PTF1A: variants seen among roughly 807,000 people sequenced by gnomAD.
The protein encoded by PTF1A is pancreas associated transcription factor 1a, also known as pancreas transcription factor 1 subunit alpha.
In PTF1A, 18 loss-of-function variants were observed where a neutral mutation model predicts 22.6. That is an observed-to-expected ratio of 0.80 (90% confidence interval 0.55 to 1.18). The LOEUF is 1.18. Among genes scored for constraint, PTF1A ranks in the 50% most tolerant of loss-of-function variants. PTF1A has a pLI of 0.00. For synonymous variants in PTF1A, 259 were observed against 227.9 expected (o/e 1.14, Z -1.23); for missense variants, 477 against 473.0 (o/e 1.01, Z -0.08).
In PTF1A at chr10:23,192,774, G is replaced by C. The variant is rs1028470923; in HGVS notation, c.244G>C (p.Ala82Pro). 7.3e-7 allele frequency: 1 copy of C among 1,367,002 alleles called. No individual in the cohort carries two copies. The highest frequency in any genetic ancestry group is 9.4e-7 in the Non-Finnish European group (1 of 1,061,758). The allele number at this position is 1,367,002 out of a possible 1,614,324, so 84.7% of individuals were successfully genotyped here. ...PAPPAAPLALAPPSSGGLGEP... is the reference protein window; with the variant it reads ...PAPPAAPLALPPPSSGGLGEP... Reference sequence around the variant, plus strand: ...GCCCCCGGCCGCCCCGCTAGCGCTCGCCCCGCCGTCCTCGGGGGGCCTCGG... The same window carrying C: ...GCCCCCGGCCGCCCCGCTAGCGCTCCCCCCGCCGTCCTCGGGGGGCCTCGG... Residue 82 changes from alanine to proline, a missense_variant, in exon 1 of 2, where the codon GCC (alanine) becomes CCC (proline). Ala to Pro is a conservative substitution (Grantham distance 27). Transcript: ENST00000376504.
chr10:23,192,316 G>A lies in PTF1A; in HGVS notation c.-215G>A. On this transcript the variant is annotated 5_prime_UTR_variant, in exon 1 of 2. Coordinates refer to ENST00000376504, the MANE Select transcript of PTF1A (RefSeq NM_178161.3). ...CTCGCGTGCCGGCCCTCAGCTCCAG[G>A]AAGTCCGCCACAGCCCTCCCCAGCG... 1 of 429,792 alleles carries A rather than the reference G, an allele frequency of 2.3e-6. No individual in the cohort carries two copies. Among genetic ancestry groups the A allele is most frequent in the Non-Finnish European group, 3.9e-6 (1 of 254,972 alleles). 26.6% of individuals were successfully genotyped at this position (429,792 alleles called of 1,614,324 possible). A position where few individuals can be genotyped will look rare whatever the true frequency, so the allele number is the denominator to read the frequency against.
chr10:23,192,863 C>A lies in PTF1A; in HGVS notation c.333C>A (p.Phe111Leu), dbSNP rs1215903727. ...CCETGAPPGG[F>L]PYSPGSPPSC... ...AGACGGGGGCGCCCCCAGGCGGCTT[C>A]CCCTACTCGCCCGGCTCGCCGCCCT... Residue 111 changes from phenylalanine (F) to leucine (L), a missense_variant, in exon 1 of 2, where the codon TTC becomes TTA. Coordinates refer to ENST00000376504, the MANE Select transcript of PTF1A (RefSeq NM_178161.3). 2 of 1,319,192 alleles carry A rather than the reference C, an allele frequency of 1.5e-6. No homozygotes were observed. The highest frequency in any genetic ancestry group is 3.3e-5 in the East Asian group (1 of 30,648). 81.7% of individuals were successfully genotyped at this position (1,319,192 alleles called of 1,614,324 possible). A position where few individuals can be genotyped will look rare whatever the true frequency, so the allele number is the denominator to read the frequency against.
rs557817472 is a variant in PTF1A, at chr10:23,193,221, G to C, written c.691G>C (p.Gly231Arg). Residue 231 changes from glycine to arginine, a missense_variant, in exon 1 of 2, where the codon GGC (glycine) becomes CGC (arginine). Gly to Arg is a moderately radical substitution (Grantham distance 125). Transcript: ENST00000376504. ...ADLPLRGGGA[G>R]GCGGPGGGGR... ...CCTGCCCTTGCGCGGCGGTGGCGCG[G>C]GCGGCTGCGGGGGGCCGGGCGGCGG... 7.6e-7 allele frequency: 1 copy of C among 1,316,218 alleles called. No homozygotes were observed. Among genetic ancestry groups the C allele is most frequent in the South Asian group, 2.2e-5 (1 of 45,044 alleles). The allele number at this position is 1,316,218 out of a possible 1,614,324, so 81.5% of individuals were successfully genotyped here.
In PTF1A at chr10:23,194,121, C is replaced by A; in HGVS notation, c.*215C>A. 3 of 509,650 alleles carry A rather than the reference C, an allele frequency of 5.9e-6. No individual in the cohort carries two copies. Among genetic ancestry groups the A allele is most frequent in the Non-Finnish European group, 1.0e-5 (3 of 289,540 alleles). 31.6% of individuals were successfully genotyped at this position (509,650 alleles called of 1,614,324 possible). A position where few individuals can be genotyped will look rare whatever the true frequency, so the allele number is the denominator to read the frequency against. On this transcript the variant is annotated 3_prime_UTR_variant, in exon 2 of 2. Transcript: ENST00000376504. ...CTTATCCTGATTTTCTGAAAATATG[C>A]AATAGCCTATGATTTTCCTGAACTC...
chr10:23,193,960 G>A lies in PTF1A; in HGVS notation c.*54G>A. ...TTATGTCTCTGTGCATATTGTACAT[G>A]TAAATATCTATAATGTAAATGTAAT... On this transcript the variant is annotated 3_prime_UTR_variant, in exon 2 of 2. Transcript: ENST00000376504. The A allele has an allele frequency of 1.5e-6, 2 of 1,313,878 alleles. No individual in the cohort carries two copies. The highest frequency in any genetic ancestry group is 2.2e-6 in the Non-Finnish European group (2 of 906,596). The allele number at this position is 1,313,878 out of a possible 1,614,324, so 81.4% of individuals were successfully genotyped here. A position where few individuals can be genotyped will look rare whatever the true frequency, so the allele number is the denominator to read the frequency against.
In PTF1A at chr10:23,194,014, C is replaced by T. The variant is rs551136108; in HGVS notation, c.*108C>T. 1.9e-5 allele frequency: 16 copies of T among 843,990 alleles called. No individual in the cohort carries two copies. Among genetic ancestry groups the T allele is most frequent in the Non-Finnish European group, 3.0e-5 (15 of 495,006 alleles). 52.3% of individuals were successfully genotyped at this position (843,990 alleles called of 1,614,324 possible). On this transcript the variant is annotated 3_prime_UTR_variant, in exon 2 of 2. Coordinates refer to ENST00000376504, the MANE Select transcript of PTF1A (RefSeq NM_178161.3). ...AGAATCAAATTTTTCGAATGGCAAT[C>T]AACTGTTTATTATTTATCTATTTAT...
rs998350171 is a variant in PTF1A at position 23,192,489 on chromosome 10, A to G, written c.-42A>G. On this transcript the variant is annotated 5_prime_UTR_variant, in exon 1 of 2. Transcript: ENST00000376504. Reference sequence around the variant, plus strand: ...CCTTAGAAACTCACCAAGAACTAACACGCGCAGCCCGGCAGTCCCGCTGCC... The same window carrying G: ...CCTTAGAAACTCACCAAGAACTAACGCGCGCAGCCCGGCAGTCCCGCTGCC... The G allele has an allele frequency of 1.3e-5, 21 of 1,592,284 alleles. No homozygotes were observed. The highest frequency in any genetic ancestry group is 2.7e-5 in the African/African-American group (2 of 73,236).
At chr10:23,193,399 A>T (rs2131680971) in intron 1 of PTF1A, 85 bp downstream of exon 1, 2 of 1,308,960 alleles carry the variant, frequency 1.5e-6, no homozygotes, top group East Asian at 5.1e-5. Flanking sequence ...ACTGCCAAGC[A>T]GACAGTCGGA....
Position 23,194,032 on chromosome 10 carries a change from CTA to C in PTF1A, c.*128_*129del. 1 of 742,888 alleles carries C rather than the reference CTA, an allele frequency of 1.3e-6. No homozygotes were observed. The highest frequency in any genetic ancestry group is 1.5e-5 in the South Asian group (1 of 66,192). The allele number at this position is 742,888 out of a possible 1,614,324, so 46.0% of individuals were successfully genotyped here. On this transcript the variant is annotated 3_prime_UTR_variant, in exon 2 of 2. Coordinates refer to ENST00000376504, the MANE Select transcript of PTF1A (RefSeq NM_178161.3). ...TGGCAATCAACTGTTTATTATTTAT[CTA>C]TTTATTATCCTGTTGAGTTGATGAA...
At chr10:23,193,383 G>T in intron 1 of PTF1A, 69 bp downstream of exon 1, 1 of 1,392,868 alleles carries the variant, frequency 7.2e-7, no homozygotes, top group South Asian at 1.6e-5. Flanking sequence ...GGGGCTGGGG[G>T]AGCTGACTGC....
At position 23,192,973 on chromosome 10, in the gene PTF1A, C is replaced by T. The variant is rs1375389998; in HGVS notation, c.443C>T (p.Ala148Val). ...GGCCTGAGCGGAGCGGCGGCTGCGG[C>T]GGCGCGGCGCCGGCGGCGGGTGCGC... Reference protein sequence around the residue: ...LRGLSGAAAAAARRRRRVRSE... With the variant: ...LRGLSGAAAAVARRRRRVRSE... Residue 148 changes from alanine to valine, a missense_variant, in exon 1 of 2, where the codon GCG (alanine) becomes GTG (valine). By Grantham distance (64) the Ala-to-Val change is moderately conservative. Transcript: ENST00000376504. 5.3e-6 allele frequency: 6 copies of T among 1,133,390 alleles called. No individual in the cohort carries two copies. Among genetic ancestry groups the T allele is most frequent in the Non-Finnish European group, 6.5e-6 (6 of 927,546 alleles). 70.2% of individuals were successfully genotyped at this position (1,133,390 alleles called of 1,614,324 possible).
Position 23,192,400 on chromosome 10 carries a change from G to T in PTF1A, c.-131G>T, listed in dbSNP as rs1468159156. On this transcript the variant is annotated 5_prime_UTR_variant, in exon 1 of 2. Transcript: ENST00000376504. The stretch of plus-strand genomic sequence containing the variant: ...GGGCACTCCAGGGAGGCCCGGGGGC[G>T]GGCAGCCCGGCGGCCGCCTAGCTGC... The T allele has an allele frequency of 7.7e-7, 1 of 1,300,854 alleles. No homozygotes were observed. The highest frequency in any genetic ancestry group is 3.0e-5 in the East Asian group (1 of 33,790). 80.6% of individuals were successfully genotyped at this position (1,300,854 alleles called of 1,614,324 possible). A position where few individuals can be genotyped will look rare whatever the true frequency, so the allele number is the denominator to read the frequency against.
chr10:23,193,972 A>T lies in PTF1A; in HGVS notation c.*66A>T. The T allele has an allele frequency of 8.0e-7, 1 of 1,245,990 alleles. No individual in the cohort carries two copies. The highest frequency in any genetic ancestry group is 1.2e-6 in the Non-Finnish European group (1 of 846,374). The allele number at this position is 1,245,990 out of a possible 1,614,324, so 77.2% of individuals were successfully genotyped here. A position where few individuals can be genotyped will look rare whatever the true frequency, so the allele number is the denominator to read the frequency against. On this transcript the variant is annotated 3_prime_UTR_variant, in exon 2 of 2. Coordinates refer to ENST00000376504, the MANE Select transcript of PTF1A (RefSeq NM_178161.3). The stretch of plus-strand genomic sequence containing the variant: ...GCATATTGTACATGTAAATATCTAT[A>T]ATGTAAATGTAATTTAAGAATCAAA...
In PTF1A at chr10:23,192,828, T is replaced by A. The variant is rs1353729722; in HGVS notation, c.298T>A (p.Tyr100Asn). The stretch of plus-strand genomic sequence containing the variant: ...GCCAGACGACGGCGGCGGCGGCGGC[T>A]ACTGCTGCGAGACGGGGGCGCCCCC... ...GEPDDGGGGG[Y>N]CCETGAPPGG... The change falls in exon 1 of 2, where the codon TAC becomes AAC. Residue 100 changes from tyrosine (Y) to asparagine (N), a missense_variant. Physicochemically the swap from Tyr to Asn is moderately radical, Grantham distance 143 (BLOSUM62 -2). Coordinates refer to ENST00000376504, the MANE Select transcript of PTF1A (RefSeq NM_178161.3). The A allele has an allele frequency of 4.6e-6, 6 of 1,301,806 alleles. No homozygotes were observed. The African/African-American group carries it at 7.8e-5, about 17-fold the overall frequency. The allele number at this position is 1,301,806 out of a possible 1,614,324, so 80.6% of individuals were successfully genotyped here.
Position 23,193,110 on chromosome 10 carries a change from C to T in PTF1A, c.580C>T (p.Pro194Ser). ...GCTGCGCTCGCACATCCCCACGCTG[C>T]CCTACGAGAAGCGCCTCTCCAAGGT... is the stretch of plus-strand genomic sequence containing the variant. ...EGLRSHIPTL[P>S]YEKRLSKVDT... The change falls in exon 1 of 2, where the codon CCC becomes TCC. Residue 194 changes from proline (P) to serine (S), a missense_variant. Transcript: ENST00000376504. 3 of 1,445,638 alleles carry T rather than the reference C, an allele frequency of 2.1e-6. No homozygotes were observed. Among genetic ancestry groups the T allele is most frequent in the South Asian group, 2.6e-5 (2 of 77,760 alleles). The allele number at this position is 1,445,638 out of a possible 1,614,324, so 89.6% of individuals were successfully genotyped here. A position where few individuals can be genotyped will look rare whatever the true frequency, so the allele number is the denominator to read the frequency against.
At chr10:23,193,423 G>C (rs989951925) in intron 1 of PTF1A, 109 bp downstream of exon 1, 206 of 1,127,442 alleles carry the variant, frequency 1.8e-4, no homozygotes, top group Non-Finnish European at 2.4e-4. Flanking sequence ...ACGGATTGTC[G>C]GTGGGCACGG....
In PTF1A at chr10:23,193,969, T is replaced by C. The variant is rs1840933476; in HGVS notation, c.*63T>C. On this transcript the variant is annotated 3_prime_UTR_variant, in exon 2 of 2. Coordinates refer to ENST00000376504, the MANE Select transcript of PTF1A (RefSeq NM_178161.3). ...TGTGCATATTGTACATGTAAATATC[T>C]ATAATGTAAATGTAATTTAAGAATC... 8 of 1,271,634 alleles carry C rather than the reference T, an allele frequency of 6.3e-6. No individual in the cohort carries two copies. The highest frequency in any genetic ancestry group is 9.2e-6 in the Non-Finnish European group (8 of 868,456). The allele number at this position is 1,271,634 out of a possible 1,614,324, so 78.8% of individuals were successfully genotyped here. A position where few individuals can be genotyped will look rare whatever the true frequency, so the allele number is the denominator to read the frequency against.
At position 23,192,636 on chromosome 10, in the gene PTF1A, C is replaced by T; in HGVS notation, c.106C>T (p.Leu36=). ...CACCGACCAGTCTTCACGGGACCCCCTGGAGGACGGCGATGAGCTGCTGGC... is the reference window on the plus strand; with the variant it reads ...CACCGACCAGTCTTCACGGGACCCCTTGGAGGACGGCGATGAGCTGCTGGC... ...FFTDQSSRDP[L]EDGDELLADE... Residue 36 remains leucine, a synonymous_variant, in exon 1 of 2, where the codon CTG becomes TTG. Transcript: ENST00000376504. 2 of 1,602,066 alleles carry T rather than the reference C, an allele frequency of 1.2e-6. No individual in the cohort carries two copies. Among genetic ancestry groups the T allele is most frequent in the Non-Finnish European group, 1.7e-6 (2 of 1,174,684 alleles).
rs900345592 is a variant in PTF1A at position 23,192,755 on chromosome 10, G to T, written c.225G>T (p.Pro75=). The T allele has an allele frequency of 1.5e-5, 22 of 1,430,618 alleles. No homozygotes were observed. Among genetic ancestry groups the T allele is most frequent in the Non-Finnish European group, 1.7e-5 (19 of 1,091,730 alleles). 88.6% of individuals were successfully genotyped at this position (1,430,618 alleles called of 1,614,324 possible). A position where few individuals can be genotyped will look rare whatever the true frequency, so the allele number is the denominator to read the frequency against. The change falls in exon 1 of 2, where the codon CCG becomes CCT. Residue 75 remains proline, a synonymous_variant. Transcript: ENST00000376504. The stretch of plus-strand genomic sequence containing the variant: ...GCCTGCTGCTGCAGCCCGCGCCCCC[G>T]GCCGCCCCGCTAGCGCTCGCCCCGC... ...GACLLLQPAP[P]AAPLALAPPS... is the part of the protein sequence containing the mutation.
Sources: allele counts gnomAD v4.1 joint callset, GRCh38; gene constraint gnomAD v4.1.1; transcripts MANE v1.5; gene names NCBI Gene and HGNC (gene_info 2026-07-23, HGNC 2026-07-21).